PTPRJ: variants seen among roughly 807,000 people sequenced by gnomAD.
PTPRJ encodes protein tyrosine phosphatase receptor type J.
A neutral mutation model predicts 141.3 loss-of-function variants in PTPRJ; 129 were observed. That is an observed-to-expected ratio of 0.91 (90% confidence interval 0.79 to 1.06). The LOEUF (loss-of-function observed/expected upper bound fraction) is 1.06. Ranked by LOEUF, PTPRJ falls within the 50% of genes least tolerant of loss-of-function variation. PTPRJ has a pLI of 0.00. For synonymous variants in PTPRJ, 610 were observed against 640.5 expected, an observed-to-expected ratio of 0.95 and a Z score of 0.72; for missense variants, 1,601 against 1,679.7, an observed-to-expected ratio of 0.95 and a Z score of 0.82.
intron 1 of PTPRJ, among the ~76,000 whole-genome samples, chr11:48,017,501 A>G (rs1298610179): frequency 3.3e-5 from 5 of 152,244 alleles, no homozygotes; most frequent in African/African-American, 9.6e-5. Context: ...TAAGAGTGAC[A>G]TGGCATTCCA....
At chr11:48,161,180 C>CAAA (rs71045549) in intron 22 of PTPRJ, among the ~76,000 whole-genome samples, 8 of 68,126 alleles carry the variant, frequency 1.2e-4, no homozygotes, top group Admixed American at 2.2e-4. Context: ...GACCCGGTCT[C>CAAA]AAAAAAAAAA....
chr11:48,053,475 A>AT (rs1565278740), intron 1 of PTPRJ, among the ~76,000 whole-genome samples: 19 of 111,112 alleles, frequency 1.7e-4, no homozygotes, highest in African/African-American at 7.6e-4. Flanking sequence ...ATAATATATA[A>AT]AAAATATATA....
At chr11:48,028,910 G>A (rs1248542329) in intron 1 of PTPRJ, among the ~76,000 whole-genome samples, 1 of 152,220 alleles carries the variant, frequency 6.6e-6, no homozygotes, top group Non-Finnish European at 1.5e-5. Context: ...GGAGAAAGAG[G>A]TTAAAGCTAC....
rs746217685 is a variant in PTPRJ at position 48,049,565 on chromosome 11, C to CAAAACAAAACAAAA, written c.97-60491_97-60490insAACAAAACAAAAAA. On this transcript the variant is annotated intron_variant, in intron 1 of 24. Transcript: ENST00000418331. ...CAAAACAAAACAAAACAAAACAAAA[C>CAAAACAAAACAAAA]AAGTCGGGTGTGGTGGCGCACTTTT... Among the ~76,000 whole-genome samples the CAAAACAAAACAAAA allele has an allele frequency of 6.8e-4, 103 of 150,814 alleles. 1 individual carries two copies. Among genetic ancestry groups the CAAAACAAAACAAAA allele is most frequent in the African/African-American group, 2.4e-3 (97 of 40,544 alleles).
intron 1 of PTPRJ, among the ~76,000 whole-genome samples, chr11:47,991,616 C>T (rs1429168968): frequency 1.3e-5 from 2 of 152,104 alleles, no homozygotes; most frequent in East Asian, 1.9e-4. Flanking sequence ...GAGAGCACAC[C>T]GTGCTTGTGG....
At chr11:48,052,904 C>A (rs538209524) in intron 1 of PTPRJ, among the ~76,000 whole-genome samples, 1 of 151,244 alleles carries the variant, frequency 6.6e-6, no homozygotes, top group Admixed American at 6.7e-5. Context: ...GGCCACCAGC[C>A]GCTAGGGGCC....
At chr11:48,131,936 T>C (rs1214546870) in intron 8 of PTPRJ, 1 of 171,636 alleles carries the variant, frequency 5.8e-6, no homozygotes. Context: ...TGGGATGACA[T>C]TGTCTCTCAG....
At chr11:48,057,950 C>T (rs1328853168) in intron 1 of PTPRJ, among the ~76,000 whole-genome samples, 3 of 151,508 alleles carry the variant, frequency 2.0e-5, no homozygotes. Context: ...CTTGCTCTGT[C>T]ACCCAGGCTG....
chr11:47,994,552 G>A (rs1001049278), intron 1 of PTPRJ, among the ~76,000 whole-genome samples: 8 of 152,068 alleles, frequency 5.3e-5, no homozygotes, highest in Non-Finnish European at 8.8e-5. Flanking sequence ...GGAGGCTGAG[G>A]CATGAGCATC....
At chr11:48,105,960 G>A (rs1856277552) in intron 1 of PTPRJ, among the ~76,000 whole-genome samples, 1 of 151,972 alleles carries the variant, frequency 6.6e-6, no homozygotes, top group South Asian at 2.1e-4. Flanking sequence ...ATCCCTTACT[G>A]GTTTTCCTTA....
chr11:48,005,491 T>C (rs781184818), intron 1 of PTPRJ, among the ~76,000 whole-genome samples: 16 of 152,344 alleles, frequency 1.1e-4, no homozygotes, highest in Non-Finnish European at 2.4e-4. Flanking sequence ...AGCATAGTGT[T>C]TTCAAGGTCC....
chr11:48,027,697 C>T (rs535050211), intron 1 of PTPRJ, among the ~76,000 whole-genome samples: 6 of 134,378 alleles, frequency 4.5e-5, no homozygotes, highest in South Asian at 5.1e-4. Context: ...GAGGCTGAGG[C>T]GGGAGAATTG....
rs1223392901 is a variant in PTPRJ at position 48,168,630 on chromosome 11, G to C, written c.*1268G>C. The C allele has an allele frequency of 7.4e-6, 1 of 134,620 alleles. No individual in the cohort carries two copies. The highest frequency in any genetic ancestry group is 1.6e-5 in the Non-Finnish European group (1 of 64,482). The allele number at this position is 134,620 out of a possible 1,614,324, so 8.3% of individuals were successfully genotyped here. On this transcript the variant is annotated 3_prime_UTR_variant, in exon 25 of 25. Coordinates refer to ENST00000418331, the MANE Select transcript of PTPRJ (RefSeq NM_002843.4). Reference sequence around the variant, plus strand: ...ATTCCTATGAATTGAGGTGTACAAAGTTTGAATTTGTATCAAAGATGTAAT... The same window carrying C: ...ATTCCTATGAATTGAGGTGTACAAACTTTGAATTTGTATCAAAGATGTAAT...
At chr11:48,044,796 G>A (rs1261200610) in intron 1 of PTPRJ, 2 of 152,306 alleles carry the variant, frequency 1.3e-5, no homozygotes, top group African/African-American at 4.8e-5. Flanking sequence ...CACAGACAGA[G>A]TTGAAGCCTT....
intron 1 of PTPRJ, among the ~76,000 whole-genome samples, chr11:48,009,956 T>A (rs192660709): frequency 2.0e-5 from 3 of 152,356 alleles, no homozygotes; most frequent in African/African-American, 7.2e-5. Context: ...TGTTGAGTTA[T>A]TTGGGTTGGC....
intron 1 of PTPRJ, among the ~76,000 whole-genome samples, chr11:48,024,135 G>A (rs192419203): frequency 3.9e-5 from 6 of 151,944 alleles, no homozygotes; most frequent in Admixed American, 3.3e-4. Context: ...AAGGTTCCAT[G>A]TTCTGCTCCC....
chr11:48,118,518 C>T (rs1856624914), intron 3 of PTPRJ, among the ~76,000 whole-genome samples: 1 of 152,122 alleles, frequency 6.6e-6, no homozygotes, highest in Admixed American at 6.6e-5. Flanking sequence ...GGATACAACC[C>T]AAAACACTAT....
chr11:48,002,420 G>A (rs748270185), intron 1 of PTPRJ, among the ~76,000 whole-genome samples: 23 of 152,116 alleles, frequency 1.5e-4, no homozygotes, highest in Admixed American at 3.3e-4. Context: ...TTACAGGCAT[G>A]AGCCACCATG....
chr11:48,129,377 G>C (rs541376031), intron 7 of PTPRJ, among the ~76,000 whole-genome samples: 1 of 152,268 alleles, frequency 6.6e-6, no homozygotes, highest in East Asian at 1.9e-4. Context: ...TCCCTCACAT[G>C]GTTGTCCTTA....
Sources: gnomAD v4.1 joint callset for allele counts (sites outside exome capture counted in the v4.1 genomes callset) on GRCh38, gnomAD v4.1.1 for gene constraint, MANE v1.5 for transcripts, NCBI Gene and HGNC (gene_info 2026-07-23, HGNC 2026-07-21) for gene names.